Variants in LRRC4C observed in about 807,000 individuals in gnomAD.
The protein encoded by LRRC4C is leucine-rich repeat-containing protein 4C.
LRRC4C carries 5 observed loss-of-function variants against 33.6 expected under a neutral mutation model. That is an observed-to-expected ratio of 0.15 (90% CI 0.08 to 0.31). LRRC4C has a LOEUF of 0.31. Among genes scored for constraint, LRRC4C ranks in the 10% least tolerant of loss-of-function variants. The pLI is 1.00. For missense variants in LRRC4C, 560 were observed against 796.7 expected, an observed-to-expected ratio of 0.70 and a Z score of 3.58; for synonymous variants, 329 against 302.0, an observed-to-expected ratio of 1.09 and a Z score of -0.93.
At chr11:41,385,969 G>T (rs151221579) in intron 1 of LRRC4C, among the ~76,000 whole-genome samples, 35 of 151,596 alleles carry the variant, frequency 2.3e-4, no homozygotes, top group Admixed American at 1.8e-3. Context: ...TGAACATCTT[G>T]TGTTCTCTCT....
chr11:40,248,357 T>C (rs1282336686), intron 4 of LRRC4C, among the ~76,000 whole-genome samples: 1 of 152,220 alleles, frequency 6.6e-6, no homozygotes, highest in African/African-American at 2.4e-5. Flanking sequence ...TGTTGACTTT[T>C]TGGGCTAATT....
chr11:40,646,761 C>T lies in LRRC4C; in HGVS notation c.-270+1381G>A, dbSNP rs148623724. On this transcript the variant is annotated intron_variant, in intron 3 of 6. Coordinates refer to ENST00000528697, the MANE Select transcript of LRRC4C (RefSeq NM_001258419.2). ...AGCTGGGACTACAGGCGCCCACCACCGCGCCCAGCTAATTTTTCGTATTTT... is the reference window on the plus strand; with the variant it reads ...AGCTGGGACTACAGGCGCCCACCACTGCGCCCAGCTAATTTTTCGTATTTT... Among the ~76,000 whole-genome samples, 762 of 152,234 alleles carry T rather than the reference C, an allele frequency of 5.0e-3. 5 individuals are homozygous for T. The highest frequency in any genetic ancestry group is 0.017 in the Middle Eastern group (5 of 294).
chr11:41,186,582 A>G (rs764818036), intron 1 of LRRC4C, among the ~76,000 whole-genome samples: 8 of 152,216 alleles, frequency 5.3e-5, no homozygotes, highest in Non-Finnish European at 1.2e-4. Flanking sequence ...GTGATAAAGA[A>G]GCATATTAAC....
At chr11:41,057,940 C>T (rs779241656) in intron 1 of LRRC4C, among the ~76,000 whole-genome samples, 2 of 152,150 alleles carry the variant, frequency 1.3e-5, no homozygotes, top group Non-Finnish European at 2.9e-5. Flanking sequence ...AAAGGAGCTG[C>T]CCCTGTGGTT....
rs140262924 is a variant in LRRC4C at position 41,135,876 on chromosome 11, C to T, written c.-495-202153G>A. Among the ~76,000 whole-genome samples, 1,265 of 152,242 alleles carry T rather than the reference C, an allele frequency of 8.3e-3. 26 individuals are homozygous for T. The highest frequency in any genetic ancestry group is 0.029 in the African/African-American group (1,203 of 41,540). ...ATTAAAAAATCAAATAGCACTCTGG[C>T]TAACATATCAAGCTGACATCCAGGA... On this transcript the variant is annotated intron_variant, in intron 1 of 6. Coordinates refer to ENST00000528697, the MANE Select transcript of LRRC4C (RefSeq NM_001258419.2).
rs1466276707 is a variant in LRRC4C at position 41,430,971 on chromosome 11, C to T, written c.-496+28460G>A. ...TTTACAGTTTAATGCATTGTTGTGG[C>T]ACTACTCTCAACTAATCAGAGTGTG... On this transcript the variant is annotated intron_variant, in intron 1 of 6. Transcript: ENST00000528697. 2.6e-5 allele frequency among the ~76,000 whole-genome samples: 4 copies of T among 152,050 alleles called. No individual in the cohort carries two copies. In the East Asian group the frequency reaches 7.7e-4, roughly 29 times the overall value.
chr11:40,311,345 A>C (rs1945294884), intron 4 of LRRC4C, among the ~76,000 whole-genome samples: 1 of 152,230 alleles, frequency 6.6e-6, no homozygotes, highest in African/African-American at 2.4e-5. Context: ...CACAGAAGAC[A>C]GCATTTATCC....
chr11:41,234,920 C>T (rs1020482124), intron 1 of LRRC4C, among the ~76,000 whole-genome samples: 8 of 152,042 alleles, frequency 5.3e-5, no homozygotes, highest in African/African-American at 1.7e-4. Context: ...TATGGTATAA[C>T]ATCCCTTATA....
intron 3 of LRRC4C, among the ~76,000 whole-genome samples, chr11:40,627,428 C>T (rs976739990): frequency 3.3e-5 from 5 of 152,094 alleles, no homozygotes; most frequent in Non-Finnish European, 7.4e-5. Context: ...AAGCATTGTA[C>T]AAATGAGTGT....
intron 4 of LRRC4C, among the ~76,000 whole-genome samples, chr11:40,274,610 G>C (rs1487162419): frequency 1.3e-5 from 2 of 152,012 alleles, no homozygotes; most frequent in Non-Finnish European, 2.9e-5. Context: ...GTCAGAGAAG[G>C]GGAGCTAGAA....
chr11:40,152,217 G>C (rs938010490), intron 5 of LRRC4C, among the ~76,000 whole-genome samples: 1 of 152,192 alleles, frequency 6.6e-6, no homozygotes, highest in Non-Finnish European at 1.5e-5. Context: ...TGCGGGAGAA[G>C]TTTCTAACTT....
intron 2 of LRRC4C, among the ~76,000 whole-genome samples, chr11:40,918,651 C>T (rs1770042892): frequency 6.6e-6 from 1 of 152,092 alleles, no homozygotes. Flanking sequence ...GAGATTGTCT[C>T]TAGCAGGTTT....
intron 1 of LRRC4C, among the ~76,000 whole-genome samples, chr11:41,339,277 C>T (rs1951555312): frequency 6.6e-6 from 1 of 152,144 alleles, no homozygotes; most frequent in Non-Finnish European, 1.5e-5. Flanking sequence ...AAATAAATAG[C>T]CCTGCCCTTG....
At chr11:40,878,080 C>T (rs907637106) in intron 2 of LRRC4C, among the ~76,000 whole-genome samples, 3 of 152,054 alleles carry the variant, frequency 2.0e-5, no homozygotes, top group African/African-American at 7.2e-5. Context: ...TTGGCTAGGG[C>T]TTGTGAGCTT....
At chr11:40,591,148 C>A (rs961179523) in intron 3 of LRRC4C, among the ~76,000 whole-genome samples, 3 of 152,134 alleles carry the variant, frequency 2.0e-5, no homozygotes, top group African/African-American at 4.8e-5. Context: ...GGCATACGAC[C>A]CTCCGAGCCA....
intron 1 of LRRC4C, among the ~76,000 whole-genome samples, chr11:41,392,232 C>T (rs1953626206): frequency 6.6e-6 from 1 of 151,812 alleles, no homozygotes; most frequent in African/African-American, 2.4e-5. Context: ...ACTGAAGTCT[C>T]TTTCCCACGT....
intron 2 of LRRC4C, among the ~76,000 whole-genome samples, chr11:40,709,793 C>T (rs984076310): frequency 3.3e-5 from 5 of 152,154 alleles, no homozygotes; most frequent in African/African-American, 4.8e-5. Flanking sequence ...TTTCCAGCTT[C>T]GTTCCATTCT....
intron 1 of LRRC4C, among the ~76,000 whole-genome samples, chr11:41,085,038 C>A (rs1939863982): frequency 6.6e-6 from 1 of 152,176 alleles, no homozygotes. Context: ...AAGATCGACA[C>A]AGATATCTTA....
At chr11:40,396,525 G>A (rs1949548103) in intron 3 of LRRC4C, among the ~76,000 whole-genome samples, 1 of 152,092 alleles carries the variant, frequency 6.6e-6, no homozygotes, top group African/African-American at 2.4e-5. Context: ...GGATAAGAGA[G>A]AGTGATGGAG....
Sources: gnomAD v4.1 joint callset for allele counts (sites outside exome capture counted in the v4.1 genomes callset) on GRCh38, gnomAD v4.1.1 for gene constraint, MANE v1.5 for transcripts, NCBI Gene and HGNC (gene_info 2026-07-23, HGNC 2026-07-21) for gene names.